Variants in MAML3 observed in about 807,000 individuals in gnomAD.
MAML3 encodes mastermind-like protein 3.
A neutral mutation model predicts 101.9 loss-of-function variants in MAML3; 27 were observed. The observed-to-expected ratio is 0.27, with a 90% CI of 0.20 to 0.37. The LOEUF (loss-of-function observed/expected upper bound fraction) is 0.37. Ranked by LOEUF, MAML3 falls within the 10% of genes least tolerant of loss-of-function variation. The pLI is 1.00. For synonymous variants in MAML3, 501 were observed against 555.9 expected (o/e 0.90, Z 1.39); for missense variants, 1,316 against 1,444.9 (o/e 0.91, Z 1.45).
At chr4:139,947,092 T>G (rs1733746041) in intron 1 of MAML3, among the ~76,000 whole-genome samples, 1 of 152,220 alleles carries the variant, frequency 6.6e-6, no homozygotes, top group Non-Finnish European at 1.5e-5. Flanking sequence ...CATTAGTCAT[T>G]GATGTCAGTG....
intron 2 of MAML3, among the ~76,000 whole-genome samples, chr4:139,805,028 A>C (rs896445768): frequency 6.6e-6 from 1 of 152,136 alleles, no homozygotes; most frequent in Non-Finnish European, 1.5e-5. Context: ...AAAATACAAA[A>C]ATTAGCCAGG....
chr4:140,085,863 G>GT (rs1449893214), intron 1 of MAML3, among the ~76,000 whole-genome samples: 1 of 152,162 alleles, frequency 6.6e-6, no homozygotes, highest in Admixed American at 6.5e-5. Context: ...GAAAACCGTC[G>GT]TTTTTTAATT....
chr4:139,754,991 C>T (rs1223854435), intron 2 of MAML3, among the ~76,000 whole-genome samples: 1 of 152,240 alleles, frequency 6.6e-6, no homozygotes, highest in Non-Finnish European at 1.5e-5. Flanking sequence ...TGCTTTGCCT[C>T]TTCGGCGTGG....
intron 1 of MAML3, among the ~76,000 whole-genome samples, chr4:139,997,807 G>GT (rs1463413308): frequency 3.3e-5 from 5 of 151,850 alleles, no homozygotes; most frequent in South Asian, 4.1e-4. Flanking sequence ...TGGCAGGATA[G>GT]TTTGGTTAGG....
intron 2 of MAML3, among the ~76,000 whole-genome samples, chr4:139,764,409 T>C (rs1459415360): frequency 6.6e-6 from 1 of 152,210 alleles, no homozygotes; most frequent in Admixed American, 6.5e-5. Flanking sequence ...TGCCCCTGCA[T>C]GTTGCCGGGC....
chr4:140,013,452 G>C (rs1578642878), intron 1 of MAML3, among the ~76,000 whole-genome samples: 1 of 152,254 alleles, frequency 6.6e-6, no homozygotes, highest in South Asian at 2.1e-4. Context: ...AGTAGTCTCT[G>C]TTACCGCAAA....
intron 1 of MAML3, among the ~76,000 whole-genome samples, chr4:139,921,207 C>CA (rs1485855860): frequency 6.6e-6 from 1 of 152,190 alleles, no homozygotes; most frequent in African/African-American, 2.4e-5. Flanking sequence ...CTGCCCCTGA[C>CA]ACGAACTCCC....
chr4:139,837,680 G>A (rs922081612), intron 2 of MAML3, among the ~76,000 whole-genome samples: 1 of 152,206 alleles, frequency 6.6e-6, no homozygotes, highest in Non-Finnish European at 1.5e-5. Context: ...AGCACTGTGG[G>A]AGGCCGAGGC....
chr4:140,069,533 AAG>A (rs1727604311), intron 1 of MAML3, among the ~76,000 whole-genome samples: 1 of 99,054 alleles, frequency 1.0e-5, no homozygotes, highest in African/African-American at 4.2e-5. Context: ...GAGAAGGAGA[AAG>A]GAAGAAGAAG....
At chr4:140,025,107 A>G (rs187306999) in intron 1 of MAML3, among the ~76,000 whole-genome samples, 18 of 152,174 alleles carry the variant, frequency 1.2e-4, no homozygotes, top group African/African-American at 3.1e-4. Flanking sequence ...ATAACAACCA[A>G]TGTAATGTGT....
At chr4:139,807,847 C>A (rs75346470) in intron 2 of MAML3, among the ~76,000 whole-genome samples, 88 of 152,240 alleles carry the variant, frequency 5.8e-4, no homozygotes, top group African/African-American at 2.1e-3. Flanking sequence ...TTGACAAAGC[C>A]TATAGCCCAT....
intron 2 of MAML3, among the ~76,000 whole-genome samples, chr4:139,816,203 C>T (rs1365088613): frequency 6.6e-6 from 1 of 152,126 alleles, no homozygotes; most frequent in Admixed American, 6.5e-5. Flanking sequence ...AAAGAAGCAC[C>T]GTGCTCTGAG....
intron 3 of MAML3, among the ~76,000 whole-genome samples, chr4:139,728,741 CCTT>C (rs887326167): frequency 5.3e-5 from 8 of 152,186 alleles, no homozygotes; most frequent in Non-Finnish European, 7.4e-5. Flanking sequence ...CCTCTCACCT[CCTT>C]GTCTGGGGGC....
Position 139,727,686 on chromosome 4 carries a change from G to T in MAML3, c.2332-1851C>A, listed in dbSNP as rs563872880. ...TGTGCTTTGAACTTTTGGAGAATAC[G>T]GCATTAAATGTGAATTCATGCCTAC... On this transcript the variant is annotated intron_variant, in intron 3 of 4. Transcript: ENST00000509479. 3.3e-5 allele frequency among the ~76,000 whole-genome samples: 5 copies of T among 152,278 alleles called. No homozygotes were observed. The East Asian group carries it at 9.6e-4, about 29-fold the overall frequency.
At chr4:140,109,032 A>C (rs1728398717) in intron 1 of MAML3, among the ~76,000 whole-genome samples, 1 of 152,230 alleles carries the variant, frequency 6.6e-6, no homozygotes, top group African/African-American at 2.4e-5. Context: ...AGAACTATAA[A>C]GCTAGTTTCA....
intron 1 of MAML3, among the ~76,000 whole-genome samples, chr4:139,895,933 A>T (rs555260715): frequency 1.2e-3 from 176 of 152,292 alleles, no homozygotes; most frequent in African/African-American, 4.0e-3. Flanking sequence ...TATATATTTC[A>T]TGTATCTGCA....
At chr4:140,068,347 T>C (rs1445069064) in intron 1 of MAML3, among the ~76,000 whole-genome samples, 2 of 152,192 alleles carry the variant, frequency 1.3e-5, no homozygotes, top group Non-Finnish European at 2.9e-5. Flanking sequence ...GGAAAGCATA[T>C]CATGAATTAT....
intron 1 of MAML3, among the ~76,000 whole-genome samples, chr4:140,086,730 G>A (rs573419372): frequency 2.0e-4 from 31 of 152,174 alleles, no homozygotes; most frequent in African/African-American, 7.0e-4. Context: ...AGGGGAAGGG[G>A]ACCATGAACA....
intron 1 of MAML3, among the ~76,000 whole-genome samples, chr4:139,955,823 T>C (rs1733906290): frequency 1.3e-5 from 2 of 152,324 alleles, no homozygotes; most frequent in African/African-American, 4.8e-5. Context: ...GTGAGTTCTC[T>C]GTATTCCCTT....
Sources: gnomAD v4.1 joint callset for allele counts (sites outside exome capture counted in the v4.1 genomes callset) on GRCh38, gnomAD v4.1.1 for gene constraint, MANE v1.5 for transcripts, NCBI Gene and HGNC (gene_info 2026-07-23, HGNC 2026-07-21) for gene names.